DYNC2H1: variants seen among roughly 807,000 people sequenced by gnomAD.
DYNC2H1 encodes cytoplasmic dynein 2 heavy chain 1.
DYNC2H1 carries 410 observed loss-of-function variants against 570.0 expected under a neutral mutation model. That is an observed-to-expected ratio of 0.72 (90% confidence interval 0.66 to 0.78). The LOEUF (loss-of-function observed/expected upper bound fraction) is 0.78, where lower values mean the gene tolerates loss of function less well. Ranked by LOEUF, DYNC2H1 falls within the 30% of genes least tolerant of loss-of-function variation. DYNC2H1 has a pLI of 0.00. For synonymous variants in DYNC2H1, 1,688 were observed against 1,677.6 expected (o/e 1.01, Z -0.15); for missense variants, 4,865 against 5,046.4 (o/e 0.96, Z 1.09).
intron 84 of DYNC2H1, among the ~76,000 whole-genome samples, chr11:103,416,911 A>G (rs1028159683): frequency 6.6e-6 from 1 of 152,216 alleles, no homozygotes; most frequent in Non-Finnish European, 1.5e-5. Flanking sequence ...CAGAATCTAC[A>G]AGGAACTTAA....
intron 84 of DYNC2H1, among the ~76,000 whole-genome samples, chr11:103,435,709 A>G (rs1057510392): frequency 6.6e-6 from 1 of 152,240 alleles, no homozygotes; most frequent in African/African-American, 2.4e-5. Context: ...ACTATTTTTT[A>G]TATGCCAGTT....
At chr11:103,165,211 T>TC (rs1365300213) in intron 30 of DYNC2H1, among the ~76,000 whole-genome samples, 1 of 152,130 alleles carries the variant, frequency 6.6e-6, no homozygotes, top group Non-Finnish European at 1.5e-5. Flanking sequence ...CACTGCAACC[T>TC]CCCCCTCTCA....
At chr11:103,331,482 A>C (rs1247071252) in intron 82 of DYNC2H1, among the ~76,000 whole-genome samples, 2 of 152,164 alleles carry the variant, frequency 1.3e-5, no homozygotes, top group Admixed American at 1.3e-4. Flanking sequence ...TGAAACCTGC[A>C]CTGCAAAAAT....
intron 83 of DYNC2H1, among the ~76,000 whole-genome samples, chr11:103,362,354 A>G (rs1358530937): frequency 2.2e-5 from 2 of 90,754 alleles, no homozygotes; most frequent in Non-Finnish European, 4.3e-5. Context: ...TTTTTTAGCT[A>G]TAGGATCTTG....
chr11:103,337,013 G>A (rs1394695882), intron 82 of DYNC2H1, among the ~76,000 whole-genome samples: 2 of 152,124 alleles, frequency 1.3e-5, no homozygotes, highest in East Asian at 3.9e-4. Flanking sequence ...TGACGCCCAC[G>A]CTGAAGGTCA....
At position 103,303,114 on chromosome 11, in the gene DYNC2H1, TG is replaced by T; in HGVS notation, c.11118del (p.Pro3707LeufsTer2). The T allele has an allele frequency of 6.3e-7, 1 of 1,587,846 alleles. No homozygotes were observed. The highest frequency in any genetic ancestry group is 8.6e-7 in the Non-Finnish European group (1 of 1,166,048). ...TTAGGACTGAAAGAGGTGTCCCCAC[TG>T]CCTCTAAATCTCAAACGTTTATACA... ...KTLGLKEVSP[L>X]PLNLKRLYKE... is the part of the protein sequence containing the mutation. On this transcript the variant is annotated frameshift_variant, in exon 76 of 89. Transcript: ENST00000375735. LOFTEE classifies it high-confidence loss of function.
Position 103,115,230 on chromosome 11 carries a change from G to C in DYNC2H1, c.556G>C (p.Gly186Arg), listed in dbSNP as rs1234545307. 6.2e-7 allele frequency: 1 copy of C among 1,609,672 alleles called. No homozygotes were observed. Among genetic ancestry groups the C allele is most frequent in the Non-Finnish European group, 8.5e-7 (1 of 1,177,946 alleles). Reference protein sequence around the residue: ...FQFWIEQAHRGNKQISKERAN... With the variant: ...FQFWIEQAHRRNKQISKERAN... ...GTTTTGGATAGAACAAGCTCACCGT[G>C]GAAATAAACAGATTAGTAAAGAAAG... The change falls in exon 4 of 89, where the codon GGA (glycine) becomes CGA (arginine). Residue 186 changes from glycine (G) to arginine (R), a missense_variant. This residue lies in a region of DYNC2H1 where 1,936 missense variants were observed against 1,962.1 expected (regional missense o/e 0.99). Transcript: ENST00000375735.
intron 84 of DYNC2H1, chr11:103,407,898 A>T (rs1942927465): frequency 6.6e-6 from 1 of 151,898 alleles, no homozygotes; most frequent in Non-Finnish European, 1.5e-5. Flanking sequence ...GAGTGCATAT[A>T]AGTTAAATGA....
At position 103,189,410 on chromosome 11, in the gene DYNC2H1, G is replaced by T. The variant is rs1455908554; in HGVS notation, c.7293-262G>T. 6.6e-6 allele frequency among the ~76,000 whole-genome samples: 1 copy of T among 152,052 alleles called. No homozygotes were observed. The highest frequency in any genetic ancestry group is 1.5e-5 in the Non-Finnish European group (1 of 67,992). ...AATTTTCCTTTTGGTCTTTTCTGAA[G>T]ATCAGTGATATGTTTTAACATAATT... On this transcript the variant is annotated intron_variant, in intron 44 of 88. Coordinates refer to ENST00000375735, the MANE Select transcript of DYNC2H1 (RefSeq NM_001377.3). The surrounding 1 kb of genome is among the most constrained non-coding windows in gnomAD (Gnocchi z 4.3).
intron 83 of DYNC2H1, among the ~76,000 whole-genome samples, chr11:103,384,672 T>A (rs977755450): frequency 6.6e-6 from 1 of 152,144 alleles, no homozygotes; most frequent in African/African-American, 2.4e-5. Flanking sequence ...TCCCAGACAG[T>A]TCAAGAAGCT....
At chr11:103,316,473 AG>A in intron 79 of DYNC2H1, 71 bp from the exon 80 acceptor site, 1 of 1,009,754 alleles carries the variant, frequency 9.9e-7, no homozygotes, top group Non-Finnish European at 1.4e-6. Context: ...TTTAATTTAA[AG>A]ACAGTGATAC....
chr11:103,256,159 T>C lies in DYNC2H1; in HGVS notation c.10380T>C (p.Ser3460=). The stretch of plus-strand genomic sequence containing the variant: ...TGGAAAATAAGGATTTGATTGAGTC[T>C]TTGAATCAGACAAAAGCAAGCAGTG... ...NILENKDLIE[S]LNQTKASSAL... is the part of the protein sequence containing the mutation. The change falls in exon 68 of 89, where the codon TCT becomes TCC. Residue 3460 remains serine (S), a synonymous_variant. Transcript: ENST00000375735. The surrounding 1 kb of genome is among the most constrained non-coding windows in gnomAD (Gnocchi z 4.0). The C allele has an allele frequency of 6.2e-7, 1 of 1,608,942 alleles. No homozygotes were observed. The highest frequency in any genetic ancestry group is 8.5e-7 in the Non-Finnish European group (1 of 1,177,198).
intron 82 of DYNC2H1, among the ~76,000 whole-genome samples, chr11:103,357,124 CATT>C (rs1454553172): frequency 6.6e-6 from 1 of 151,954 alleles, no homozygotes; most frequent in African/African-American, 2.4e-5. Context: ...ACATATATCA[CATT>C]ATCTGTAACC....
chr11:103,237,154 A>G (rs973343233), intron 63 of DYNC2H1, among the ~76,000 whole-genome samples: 1 of 151,970 alleles, frequency 6.6e-6, no homozygotes, highest in African/African-American at 2.4e-5. Context: ...TTGATATGGA[A>G]ATTGGAAGAT....
At chr11:103,448,047 T>A (rs1366024278) in intron 85 of DYNC2H1, among the ~76,000 whole-genome samples, 4 of 152,194 alleles carry the variant, frequency 2.6e-5, no homozygotes, top group Non-Finnish European at 5.9e-5. Flanking sequence ...AGGTCACTTT[T>A]AGCATTTGAA....
intron 84 of DYNC2H1, among the ~76,000 whole-genome samples, chr11:103,429,636 G>A (rs192372811): frequency 7.9e-5 from 12 of 152,144 alleles, no homozygotes; most frequent in South Asian, 6.2e-4. Flanking sequence ...AAATTGTTTC[G>A]CTCTGAAACT....
chr11:103,173,373 T>A, intron 35 of DYNC2H1, 68 bp downstream of exon 35: 1 of 1,133,642 alleles, frequency 8.8e-7, no homozygotes, highest in Non-Finnish European at 1.2e-6. Flanking sequence ...TTATTAGTGA[T>A]CATTTTCATA....
Position 103,165,894 on chromosome 11 carries a change from A to G in DYNC2H1, c.4612-4A>G, listed in dbSNP as rs370191116. 26 of 1,456,514 alleles carry G rather than the reference A, an allele frequency of 1.8e-5. No individual in the cohort carries two copies. The highest frequency in any genetic ancestry group is 4.4e-5 in the African/African-American group (3 of 68,246). 90.2% of individuals were successfully genotyped at this position (1,456,514 alleles called of 1,614,324 possible). A position where few individuals can be genotyped will look rare whatever the true frequency, so the allele number is the denominator to read the frequency against. On this transcript the variant is annotated splice_region_variant and splice_polypyrimidine_tract_variant and intron_variant, in intron 30 of 88. Transcript: ENST00000375735. ...TAAAAATAATTTTTCTCTTTATTCA[A>G]TAGATTTTATGCTTGGCGGAGCAGA...
chr11:103,322,577 T>C (rs1283015118), intron 81 of DYNC2H1, among the ~76,000 whole-genome samples: 1 of 152,186 alleles, frequency 6.6e-6, no homozygotes, highest in Non-Finnish European at 1.5e-5. Context: ...TATATATATA[T>C]TTTTATGTAC....
Sources: gnomAD v4.1 joint callset for allele counts (sites outside exome capture counted in the v4.1 genomes callset) on GRCh38, gnomAD v4.1.1 for gene constraint, gnomAD v4.1.1 regional missense constraint, Gnocchi (gnomAD v3.1) non-coding constraint, MANE v1.5 for transcripts, NCBI Gene and HGNC (gene_info 2026-07-23, HGNC 2026-07-21) for gene names.